SNX29: variants seen among roughly 807,000 people sequenced by gnomAD.
SNX29 encodes sorting nexin 29, also known as sorting nexin-29.
Under a neutral mutation model 102.1 loss-of-function variants are expected in SNX29, and 78 were observed. The observed-to-expected ratio is 0.76, with a 90% CI of 0.64 to 0.92. The LOEUF is 0.92. SNX29 is among the 40% of genes least tolerant of loss of function. The pLI, the probability that SNX29 is intolerant of heterozygous loss-of-function variation, is 0.00. For synonymous variants in SNX29, 580 were observed against 414.5 expected, an observed-to-expected ratio of 1.40 and a Z score of -4.85; for missense variants, 1,280 against 1,061.7, an observed-to-expected ratio of 1.21 and a Z score of -2.86.
intron 14 of SNX29, among the ~76,000 whole-genome samples, chr16:12,268,530 C>T (rs1296598777): frequency 6.6e-6 from 1 of 152,174 alleles, no homozygotes; most frequent in Non-Finnish European, 1.5e-5. Flanking sequence ...TGTTGGAACA[C>T]TGTGGGTAAC....
At chr16:12,469,437 T>A (rs1597491813) in intron 18 of SNX29, among the ~76,000 whole-genome samples, 1 of 152,348 alleles carries the variant, frequency 6.6e-6, no homozygotes, top group East Asian at 1.9e-4. Flanking sequence ...ATTCCCTGGC[T>A]ATTGAGGAAG....
intron 1 of SNX29, among the ~76,000 whole-genome samples, chr16:11,995,281 G>T (rs1393318929): frequency 6.6e-6 from 1 of 152,126 alleles, no homozygotes; most frequent in Admixed American, 6.6e-5. Context: ...GGCCAGGCTG[G>T]TCTTGAACTC....
intron 2 of SNX29, among the ~76,000 whole-genome samples, chr16:11,999,590 G>A (rs532840690): frequency 2.0e-5 from 3 of 152,232 alleles, no homozygotes; most frequent in East Asian, 1.9e-4. Flanking sequence ...GACCCCATCC[G>A]TCAGTGATGT....
At chr16:12,451,644 A>G (rs1303857195) in intron 18 of SNX29, among the ~76,000 whole-genome samples, 2 of 152,174 alleles carry the variant, frequency 1.3e-5, no homozygotes, top group Non-Finnish European at 2.9e-5. Context: ...CGGGTGGACC[A>G]TGAGGTCAGG....
At chr16:12,514,896 G>A (rs2089794320) in intron 19 of SNX29, among the ~76,000 whole-genome samples, 1 of 149,870 alleles carries the variant, frequency 6.7e-6, no homozygotes, top group African/African-American at 2.5e-5. Context: ...AAGAGAGAGA[G>A]AGAGGGAGAG....
chr16:12,265,651 A>G (rs1280526575), intron 14 of SNX29, among the ~76,000 whole-genome samples: 1 of 133,682 alleles, frequency 7.5e-6, no homozygotes, highest in Non-Finnish European at 1.5e-5. Context: ...AATTGTGCCT[A>G]GGAGTTTGAG....
intron 9 of SNX29, among the ~76,000 whole-genome samples, chr16:12,062,969 CCTGT>C (rs1204754456): frequency 2.0e-5 from 3 of 152,290 alleles, no homozygotes; most frequent in Non-Finnish European, 4.4e-5. Flanking sequence ...CTGAGTGCTT[CCTGT>C]CTGTCAGTTG....
chr16:12,358,212 A>G (rs2151318164), intron 16 of SNX29, among the ~76,000 whole-genome samples: 2 of 152,288 alleles, frequency 1.3e-5, no homozygotes, highest in East Asian at 3.9e-4. Context: ...TTGTGTGCAA[A>G]AGTTCCTGCT....
intron 13 of SNX29, among the ~76,000 whole-genome samples, chr16:12,189,923 T>C (rs2076601141): frequency 6.6e-6 from 1 of 152,152 alleles, no homozygotes; most frequent in South Asian, 2.1e-4. Flanking sequence ...TTGATGTCTT[T>C]AATCCCAGTC....
At chr16:12,107,496 G>A (rs955189636) in intron 11 of SNX29, among the ~76,000 whole-genome samples, 2 of 152,010 alleles carry the variant, frequency 1.3e-5, no homozygotes, top group Non-Finnish European at 2.9e-5. Context: ...CCGAAACCCC[G>A]TCTCTACTGA....
intron 11 of SNX29, chr16:12,088,253 C>T (rs150411606): frequency 1.4e-4 from 54 of 390,790 alleles, no homozygotes; most frequent in Middle Eastern, 1.6e-3. Context: ...AAGGCTGCAG[C>T]GGGACCGGCT....
At chr16:12,322,942 G>A (rs1369893203) in intron 15 of SNX29, among the ~76,000 whole-genome samples, 22 of 133,436 alleles carry the variant, frequency 1.6e-4, no homozygotes, top group African/African-American at 4.3e-4. Context: ...GTCAGGATGC[G>A]GTCACTGGAG....
At chr16:12,020,743 C>T (rs531662432) in intron 3 of SNX29, among the ~76,000 whole-genome samples, 16 of 152,106 alleles carry the variant, frequency 1.1e-4, no homozygotes, top group Admixed American at 9.8e-4. Context: ...CCTGTCTCAG[C>T]CACCTGAGTA....
Position 12,356,188 on chromosome 16 carries a change from T to C in SNX29, c.1808T>C (p.Ile603Thr), listed in dbSNP as rs761506772. 29 of 1,613,166 alleles carry C rather than the reference T, an allele frequency of 1.8e-5. 1 individual carries two copies. In the Admixed American group the frequency reaches 2.0e-4, roughly 11 times the overall value. The change falls in exon 16 of 21, where the codon ATT becomes ACT. Residue 603 changes from isoleucine (I) to threonine (T), a missense_variant. Transcript: ENST00000566228. ...IEVAEMHGEL[I>T]EFNERLHRAL... is the part of the protein sequence containing the mutation. ...GTGGCAGAGATGCATGGCGAGCTGATTGAGTTCAACGAGCGCCTGCACAGG... is the reference window on the plus strand; with the variant it reads ...GTGGCAGAGATGCATGGCGAGCTGACTGAGTTCAACGAGCGCCTGCACAGG...
chr16:12,369,634 A>C (rs2082611144), intron 16 of SNX29, among the ~76,000 whole-genome samples: 1 of 152,182 alleles, frequency 6.6e-6, no homozygotes, highest in South Asian at 2.1e-4. Flanking sequence ...ATTCTGTCTC[A>C]GTGCCACCTT....
At chr16:12,147,231 A>G (rs755061250) in intron 13 of SNX29, among the ~76,000 whole-genome samples, 22 of 152,258 alleles carry the variant, frequency 1.4e-4, no homozygotes, top group Non-Finnish European at 2.6e-4. Context: ...TGGGCAGTTC[A>G]TCAAGATGTG....
intron 20 of SNX29, chr16:12,556,214 T>A (rs1450128743): frequency 1.3e-5 from 2 of 152,168 alleles, no homozygotes; most frequent in Admixed American, 6.5e-5. Flanking sequence ...CCTAGGGTCT[T>A]CCAATTGTGA....
chr16:12,296,925 G>A (rs998375004), intron 15 of SNX29, among the ~76,000 whole-genome samples: 1 of 152,208 alleles, frequency 6.6e-6, no homozygotes, highest in African/African-American at 2.4e-5. Context: ...TGTCATGGGG[G>A]CTTTCCTGTG....
intron 19 of SNX29, among the ~76,000 whole-genome samples, chr16:12,501,748 A>C (rs2089136821): frequency 6.7e-6 from 1 of 150,344 alleles, no homozygotes; most frequent in South Asian, 2.1e-4. Flanking sequence ...AAAAAAAAAA[A>C]AAAGGCAGTG....
Sources: gnomAD v4.1 joint callset for allele counts (sites outside exome capture counted in the v4.1 genomes callset) on GRCh38, gnomAD v4.1.1 for gene constraint, MANE v1.5 for transcripts, NCBI Gene and HGNC (gene_info 2026-07-23, HGNC 2026-07-21) for gene names.